PALLD: variants seen among roughly 807,000 people sequenced by gnomAD.
The protein encoded by PALLD is palladin.
In PALLD, 61 loss-of-function variants were observed where a neutral mutation model predicts 123.5. The ratio of observed to expected loss-of-function variants is 0.49; its 90% CI spans 0.40 to 0.61. The LOEUF (loss-of-function observed/expected upper bound fraction) is 0.61. PALLD is among the 20% of genes least tolerant of loss of function. PALLD has a pLI of 0.00. For synonymous variants in PALLD, 465 were observed against 496.4 expected, an observed-to-expected ratio of 0.94 and a Z score of 0.84; for missense variants, 1,273 against 1,377.0, an observed-to-expected ratio of 0.92 and a Z score of 1.20.
intron 10 of PALLD, among the ~76,000 whole-genome samples, chr4:168,727,344 C>T (rs1581169644): frequency 6.6e-6 from 1 of 152,202 alleles, no homozygotes; most frequent in East Asian, 1.9e-4. Context: ...TTCCTACCAA[C>T]AGTATGTAAG....
At chr4:168,582,585 T>C (rs1770398314) in intron 2 of PALLD, among the ~76,000 whole-genome samples, 1 of 152,184 alleles carries the variant, frequency 6.6e-6, no homozygotes, top group South Asian at 2.1e-4. Context: ...ATGCCTTTAG[T>C]ATATTGAGGA....
At chr4:168,834,175 T>G (rs1479280797) in intron 10 of PALLD, among the ~76,000 whole-genome samples, 1 of 151,920 alleles carries the variant, frequency 6.6e-6, no homozygotes, top group Non-Finnish European at 1.5e-5. Context: ...TGGTGCCCTG[T>G]GTGAGGAGCA....
Position 168,683,003 on chromosome 4 carries a change from A to T in PALLD, c.1160A>T (p.Gln387Leu). 1 of 1,604,264 alleles carries T rather than the reference A, an allele frequency of 6.2e-7. No individual in the cohort carries two copies. The highest frequency in any genetic ancestry group is 2.2e-5 in the East Asian group (1 of 44,822). ...CTCACCTTCCTATTTTCCAGAGCTCAAAAGAAAACAACTTCTGTTTCCTTG... is the reference window on the plus strand; with the variant it reads ...CTCACCTTCCTATTTTCCAGAGCTCTAAAGAAAACAACTTCTGTTTCCTTG... ...KSRAGAMPQA[Q>L]KKTTSVSLTI... The change falls in exon 5 of 22, where the codon CAA (glutamine) becomes CTA (leucine). Residue 387 changes from glutamine (Q) to leucine (L), a missense_variant. Gln to Leu is a moderately radical substitution (Grantham distance 113). This residue lies in a region of PALLD where 944 missense variants were observed against 954.5 expected (regional missense o/e 0.99). Transcript: ENST00000505667.
chr4:168,710,058 G>A (rs1284922034), intron 9 of PALLD, among the ~76,000 whole-genome samples: 2 of 152,060 alleles, frequency 1.3e-5, no homozygotes, highest in Non-Finnish European at 1.5e-5. Context: ...TACAAGATAA[G>A]CCTTCTTGTA....
chr4:168,905,150 T>TTG (rs1757400919), intron 15 of PALLD, among the ~76,000 whole-genome samples: 3 of 130,762 alleles, frequency 2.3e-5, no homozygotes, highest in African/African-American at 8.8e-5. Context: ...TTTTTTTTTT[T>TTG]TTTTTTTTTT....
Position 168,928,207 on chromosome 4 carries a change from T to C in PALLD, c.*2027T>C, listed in dbSNP as rs192990293. 113 of 185,502 alleles carry C rather than the reference T, an allele frequency of 6.1e-4. No homozygotes were observed. The highest frequency in any genetic ancestry group is 1.0e-3 in the Non-Finnish European group (89 of 87,144). 11.5% of individuals were successfully genotyped at this position (185,502 alleles called of 1,614,324 possible). On this transcript the variant is annotated 3_prime_UTR_variant, in exon 22 of 22. Coordinates refer to ENST00000505667, the MANE Select transcript of PALLD (RefSeq NM_001166108.2). ...ACACAGTCTCTCATGGACCTATCTC[T>C]ATTGTAGAATTATGACTTATGTCTT... is the stretch of plus-strand genomic sequence containing the variant.
chr4:168,878,448 T>C (rs1581875302), intron 10 of PALLD: 1 of 1,356,240 alleles, frequency 7.4e-7, no homozygotes, highest in Non-Finnish European at 9.7e-7. Context: ...CGGGTCGCCC[T>C]GGGACTCCCA....
chr4:168,801,189 A>G (rs994293670), intron 10 of PALLD, among the ~76,000 whole-genome samples: 7 of 152,210 alleles, frequency 4.6e-5, no homozygotes, highest in African/African-American at 1.7e-4. Flanking sequence ...GGAGGCACAC[A>G]CAGGAATCTT....
At chr4:168,651,927 G>T (rs1778081417) in intron 2 of PALLD, among the ~76,000 whole-genome samples, 1 of 152,122 alleles carries the variant, frequency 6.6e-6, no homozygotes, top group Admixed American at 6.5e-5. Context: ...TGAGGGACTG[G>T]TTTTCCTTTA....
At chr4:168,925,657 A>G (rs541471301) in intron 21 of PALLD, among the ~76,000 whole-genome samples, 1 of 152,336 alleles carries the variant, frequency 6.6e-6, no homozygotes, top group East Asian at 1.9e-4. Flanking sequence ...GTCTAGTACA[A>G]TCAGCATTAT....
intron 10 of PALLD, among the ~76,000 whole-genome samples, chr4:168,719,542 G>A (rs936432281): frequency 2.0e-5 from 3 of 152,108 alleles, no homozygotes; most frequent in Admixed American, 6.6e-5. Context: ...TTACAGGTGT[G>A]AGCCACCATG....
intron 10 of PALLD, among the ~76,000 whole-genome samples, chr4:168,802,047 A>G (rs893774192): frequency 1.3e-5 from 2 of 152,238 alleles, no homozygotes; most frequent in Non-Finnish European, 2.9e-5. Context: ...CTCAGCCACA[A>G]TAACTTTATT....
chr4:168,807,359 A>G (rs1021231210), intron 10 of PALLD, among the ~76,000 whole-genome samples: 4 of 152,150 alleles, frequency 2.6e-5, no homozygotes, highest in African/African-American at 9.7e-5. Context: ...CTGACTGTAT[A>G]GAAAGTACTG....
rs186790674 is a variant in PALLD at position 168,701,421 on chromosome 4, A to C, written c.1502-7607A>C. Among the ~76,000 whole-genome samples the C allele has an allele frequency of 5.8e-3, 886 of 152,358 alleles. 3 individuals are homozygous for C. Among genetic ancestry groups the C allele is most frequent in the Middle Eastern group, 0.014 (4 of 294 alleles). ...CATGGAAGGATGGGAGGATGATAAA[A>C]TTTCGTTCTTATTAAGAGAGCCCTC... On this transcript the variant is annotated intron_variant, in intron 8 of 21. Coordinates refer to ENST00000505667, the MANE Select transcript of PALLD (RefSeq NM_001166108.2).
At chr4:168,592,717 T>C (rs1771560258) in intron 2 of PALLD, among the ~76,000 whole-genome samples, 2 of 144,808 alleles carry the variant, frequency 1.4e-5, no homozygotes, top group African/African-American at 5.0e-5. Context: ...ATAGATGTAG[T>C]CATTTGAAAT....
chr4:168,787,792 C>T (rs1736956098), intron 10 of PALLD, among the ~76,000 whole-genome samples: 1 of 152,204 alleles, frequency 6.6e-6, no homozygotes. Flanking sequence ...AGCTCTTGCT[C>T]CTAGCTCTCG....
chr4:168,590,910 A>C (rs1771352867), intron 2 of PALLD, among the ~76,000 whole-genome samples: 1 of 85,998 alleles, frequency 1.2e-5, no homozygotes, highest in Admixed American at 1.9e-4. Flanking sequence ...AGGGAGTTTC[A>C]CTCTTGTTGC....
At chr4:168,677,351 G>A (rs551616924) in intron 3 of PALLD, among the ~76,000 whole-genome samples, 15 of 152,098 alleles carry the variant, frequency 9.9e-5, no homozygotes, top group South Asian at 6.2e-4. Context: ...GATGTAAGGT[G>A]ACTTTCAGAT....
intron 2 of PALLD, among the ~76,000 whole-genome samples, chr4:168,626,802 A>C (rs929418512): frequency 2.0e-5 from 3 of 152,098 alleles, no homozygotes. Flanking sequence ...GCCACATGCC[A>C]CAATATGGAT....
Sources: allele counts gnomAD v4.1 joint callset (sites outside exome capture counted in the v4.1 genomes callset), GRCh38; gene constraint gnomAD v4.1.1; regional missense constraint gnomAD v4.1.1; transcripts MANE v1.5; gene names NCBI Gene and HGNC (gene_info 2026-07-23, HGNC 2026-07-21).